USH2A: variants seen among roughly 807,000 people sequenced by gnomAD.
USH2A encodes the protein Usher syndrome 2A (autosomal recessive, mild).
A neutral mutation model predicts 538.9 loss-of-function variants in USH2A; 443 were observed. The observed-to-expected ratio is 0.82, with a 90% CI of 0.76 to 0.89. USH2A has a LOEUF of 0.89. Among genes scored for constraint, USH2A ranks in the 40% least tolerant of loss-of-function variants. The probability of loss-of-function intolerance (pLI) is 0.00; values close to 1 mark genes in which losing one functional copy is unlikely to be tolerated. For synonymous variants in USH2A, 2,413 were observed against 2,273.5 expected, an observed-to-expected ratio of 1.06 and a Z score of -1.75; for missense variants, 6,633 against 6,324.8, an observed-to-expected ratio of 1.05 and a Z score of -1.65.
chr1:216,404,016 C>T (rs965769785), intron 3 of USH2A, among the ~76,000 whole-genome samples: 7 of 152,126 alleles, frequency 4.6e-5, no homozygotes, highest in African/African-American at 1.7e-4. Context: ...GAGGCCTCCC[C>T]AGCCATGTGA....
chr1:215,746,850 T>C (rs964253537), intron 58 of USH2A, among the ~76,000 whole-genome samples: 1 of 152,228 alleles, frequency 6.6e-6, no homozygotes, highest in Non-Finnish European at 1.5e-5. Context: ...TGCCTTTTTT[T>C]GGAGTATCAC....
intron 18 of USH2A, 26 bp from the exon 19 acceptor site, chr1:216,196,748 C>G: frequency 1.9e-6 from 3 of 1,608,338 alleles, no homozygotes; most frequent in Non-Finnish European, 2.5e-6. Flanking sequence ...ATAACAATAA[C>G]ATCAAAACAA....
At chr1:215,915,159 G>T (rs1171851164) in intron 38 of USH2A, among the ~76,000 whole-genome samples, 1 of 152,088 alleles carries the variant, frequency 6.6e-6, no homozygotes, top group Non-Finnish European at 1.5e-5. Context: ...GACCACACAA[G>T]TAATGAGGGG....
chr1:216,298,336 G>C (rs2037145480), intron 9 of USH2A, among the ~76,000 whole-genome samples: 1 of 152,140 alleles, frequency 6.6e-6, no homozygotes, highest in Non-Finnish European at 1.5e-5. Context: ...CTATTTCTAG[G>C]AAGACATTTT....
chr1:216,039,726 A>AT (rs2030179270), intron 32 of USH2A, among the ~76,000 whole-genome samples: 1 of 152,024 alleles, frequency 6.6e-6, no homozygotes, highest in Non-Finnish European at 1.5e-5. Context: ...AAGGTTCCTT[A>AT]TAACGCTCGG....
At chr1:215,904,686 C>T (rs866595368) in intron 38 of USH2A, among the ~76,000 whole-genome samples, 3 of 152,124 alleles carry the variant, frequency 2.0e-5, no homozygotes, top group Middle Eastern at 3.4e-3. Context: ...ATGACCCTCA[C>T]GGGGCAAACA....
intron 9 of USH2A, among the ~76,000 whole-genome samples, chr1:216,312,851 T>C (rs894389942): frequency 6.6e-6 from 1 of 152,156 alleles, no homozygotes; most frequent in Admixed American, 6.6e-5. Context: ...TGTTTGTTTG[T>C]TTTTGGTGTT....
At chr1:215,995,725 C>T (rs1015556852) in intron 34 of USH2A, among the ~76,000 whole-genome samples, 8 of 152,128 alleles carry the variant, frequency 5.3e-5, no homozygotes, top group East Asian at 3.9e-4. Context: ...TTTTAACCAT[C>T]GCCTATAGCT....
rs184476673 is a variant in USH2A, at chr1:216,261,774, C to T, written c.1972-10676G>A. ...CTGATCCACTGAACACTCATGCCCC[C>T]GGCCTGAGAAACAGCCCACGGCTTC... On this transcript the variant is annotated intron_variant, in intron 11 of 71. Coordinates refer to ENST00000307340, the MANE Select transcript of USH2A (RefSeq NM_206933.4). Among the ~76,000 whole-genome samples, 427 of 152,172 alleles carry T rather than the reference C, an allele frequency of 2.8e-3. 1 individual carries two copies. Among genetic ancestry groups the T allele is most frequent in the African/African-American group, 9.2e-3 (384 of 41,528 alleles).
intron 46 of USH2A, 149 bp downstream of exon 46, chr1:215,844,145 A>T: frequency 1.2e-6 from 1 of 825,404 alleles, no homozygotes; most frequent in South Asian, 1.6e-5. Flanking sequence ...ACACAGATTT[A>T]ATTCTGATCA....
intron 21 of USH2A, among the ~76,000 whole-genome samples, chr1:216,107,936 T>C (rs983957407): frequency 5.3e-5 from 8 of 151,898 alleles, no homozygotes; most frequent in African/African-American, 1.9e-4. Context: ...CATTGTCCAA[T>C]TATTTGTACT....
At chr1:215,885,311 C>T (rs957282987) in intron 41 of USH2A, among the ~76,000 whole-genome samples, 2 of 151,932 alleles carry the variant, frequency 1.3e-5, no homozygotes, top group Non-Finnish European at 2.9e-5. Context: ...ACCATCCTTA[C>T]ATTTTTAAAA....
At chr1:215,637,695 C>T (rs539759368) in intron 69 of USH2A, among the ~76,000 whole-genome samples, 13 of 152,040 alleles carry the variant, frequency 8.6e-5, no homozygotes, top group South Asian at 2.1e-4. Context: ...TAGAATAATA[C>T]GTTATTTTTA....
chr1:216,273,078 A>C (rs531982962), intron 11 of USH2A, among the ~76,000 whole-genome samples: 2 of 152,152 alleles, frequency 1.3e-5, no homozygotes, highest in African/African-American at 2.4e-5. Flanking sequence ...GAAGCCTCCC[A>C]AAAAAAGCAG....
At chr1:216,349,851 A>T (rs1223557679) in intron 4 of USH2A, among the ~76,000 whole-genome samples, 2 of 152,138 alleles carry the variant, frequency 1.3e-5, no homozygotes, top group Non-Finnish European at 1.5e-5. Context: ...TAATTTTTTT[A>T]AAAAAGATTT....
intron 32 of USH2A, among the ~76,000 whole-genome samples, chr1:216,016,110 G>T (rs557359359): frequency 6.7e-6 from 1 of 148,464 alleles, no homozygotes; most frequent in African/African-American, 2.5e-5. Flanking sequence ...ACCAAACACC[G>T]CATGTTCTCA....
intron 15 of USH2A, among the ~76,000 whole-genome samples, chr1:216,215,636 T>C (rs1420625891): frequency 6.6e-6 from 1 of 152,120 alleles, no homozygotes. Flanking sequence ...CTTCCAACTT[T>C]ACACAGTGTT....
In USH2A at chr1:216,246,808, G is replaced by A. The variant is rs2036057259; in HGVS notation, c.2586C>T (p.Asn862=). ...TGTINGSLLC[N]KSTGQCPCKL... ...TGCAAGGACATTGTCCTGTTGATTT[G>A]TTACACAGCAGAGAGCCATTTATTG... Residue 862 remains asparagine, a synonymous_variant, in exon 13 of 72, where the codon AAC becomes AAT. Coordinates refer to ENST00000307340, the MANE Select transcript of USH2A (RefSeq NM_206933.4). The A allele has an allele frequency of 6.2e-7, 1 of 1,614,030 alleles. No individual in the cohort carries two copies. Among genetic ancestry groups the A allele is most frequent in the Admixed American group, 1.7e-5 (1 of 59,994 alleles).
chr1:216,100,492 T>G (rs1386136155), intron 21 of USH2A, among the ~76,000 whole-genome samples: 13 of 152,206 alleles, frequency 8.5e-5, no homozygotes, highest in Admixed American at 4.6e-4. Context: ...CTTATCTTTC[T>G]GTCACCACTT....
Sources: gnomAD v4.1 joint callset for allele counts (sites outside exome capture counted in the v4.1 genomes callset) on GRCh38, gnomAD v4.1.1 for gene constraint, MANE v1.5 for transcripts, NCBI Gene and HGNC (gene_info 2026-07-23, HGNC 2026-07-21) for gene names.